The following RELN variants were observed in gnomAD, a reference collection of about 807,000 sequenced individuals.
The protein encoded by RELN is reelin.
A neutral mutation model predicts 427.6 loss-of-function variants in RELN; 108 were observed. The observed-to-expected ratio is 0.25, with a 90% CI of 0.22 to 0.30. RELN has a LOEUF of 0.30. Among genes scored for constraint, RELN ranks in the 10% least tolerant of loss-of-function variants. The pLI, the probability that RELN is intolerant of heterozygous loss-of-function variation, is 1.00. For missense variants in RELN, 3,715 were observed against 4,302.8 expected (o/e 0.86, Z 3.82); for synonymous variants, 1,524 against 1,513.4 (o/e 1.01, Z -0.16).
chr7:103,596,115 G>T (rs1183111453), intron 25 of RELN, among the ~76,000 whole-genome samples: 1 of 152,184 alleles, frequency 6.6e-6, no homozygotes, highest in Non-Finnish European at 1.5e-5. Flanking sequence ...AGCATAATTT[G>T]TGTGTGCATT....
intron 1 of RELN, among the ~76,000 whole-genome samples, chr7:103,961,026 A>C (rs1293517202): frequency 2.0e-5 from 3 of 152,244 alleles, no homozygotes; most frequent in African/African-American, 7.2e-5. Context: ...AATTTCTTTA[A>C]ACATGACTAC....
At chr7:103,902,813 C>G (rs926188722) in intron 2 of RELN, among the ~76,000 whole-genome samples, 2 of 152,088 alleles carry the variant, frequency 1.3e-5, no homozygotes, top group African/African-American at 2.4e-5. Context: ...TATTGGACTC[C>G]TACATCTACT....
chr7:103,502,248 GA>G (rs1202227782), intron 52 of RELN, among the ~76,000 whole-genome samples: 1 of 151,946 alleles, frequency 6.6e-6, no homozygotes, highest in Non-Finnish European at 1.5e-5. Flanking sequence ...ATACATTCCA[GA>G]AAACCCTGAG....
chr7:103,508,061 A>G (rs1829274478), intron 51 of RELN, among the ~76,000 whole-genome samples: 2 of 152,220 alleles, frequency 1.3e-5, no homozygotes, highest in South Asian at 4.1e-4. Context: ...TAAACAAAAA[A>G]AGCCCAGGAC....
intron 17 of RELN, among the ~76,000 whole-genome samples, chr7:103,639,085 G>A (rs920297350): frequency 3.3e-5 from 5 of 152,098 alleles, no homozygotes; most frequent in Non-Finnish European, 5.9e-5. Context: ...CTAAGAAGAT[G>A]GTCTGATTAT....
intron 57 of RELN, among the ~76,000 whole-genome samples, chr7:103,492,853 A>AAGAT: frequency 6.6e-6 from 1 of 152,236 alleles, no homozygotes; most frequent in South Asian, 2.1e-4. Flanking sequence ...AGATAGGAAA[A>AAGAT]AGATATTTAG....
intron 6 of RELN, among the ~76,000 whole-genome samples, 200 bp downstream of exon 6, chr7:103,749,226 C>A (rs1790932182): frequency 6.6e-6 from 1 of 152,080 alleles, no homozygotes; most frequent in African/African-American, 2.4e-5. Flanking sequence ...TTGAGGAGAA[C>A]CTGGATTCAG....
At chr7:103,653,665 T>C (rs533138833) in intron 13 of RELN, among the ~76,000 whole-genome samples, 69 of 152,112 alleles carry the variant, frequency 4.5e-4, no homozygotes, top group African/African-American at 1.6e-3. Context: ...CCAACCTCAA[T>C]CGGTAGCTCT....
At position 103,604,406 on chromosome 7, in the gene RELN, A is replaced by T; in HGVS notation, c.3086T>A (p.Ile1029Asn). Reference sequence around the variant, plus strand: ...GCACATGTTGGGGCACTGCTGCCCAATGTAAATGCTGTCCAAAGCCCACTC... The same window carrying T: ...GCACATGTTGGGGCACTGCTGCCCATTGTAAATGCTGTCCAAAGCCCACTC... ...QDEWALDSIY[I>N]GQQCPNMCSG... is the part of the protein sequence containing the mutation. The change falls in exon 23 of 65, where the codon ATT becomes AAT. Residue 1029 changes from isoleucine to asparagine, a missense_variant. Transcript: ENST00000428762. The T allele has an allele frequency of 6.2e-7, 1 of 1,613,990 alleles. No individual in the cohort carries two copies. The highest frequency in any genetic ancestry group is 1.3e-5 in the African/African-American group (1 of 75,056).
chr7:103,742,244 TC>T (rs1216214087), intron 6 of RELN, among the ~76,000 whole-genome samples: 1 of 151,942 alleles, frequency 6.6e-6, no homozygotes, highest in Non-Finnish European at 1.5e-5. Context: ...AGAAAGGACA[TC>T]CACACCAAAA....
chr7:103,793,731 G>A (rs1242794471), intron 3 of RELN, among the ~76,000 whole-genome samples: 1 of 152,274 alleles, frequency 6.6e-6, no homozygotes, highest in East Asian at 1.9e-4. Flanking sequence ...GAGTGACAGT[G>A]GTTGTCATCG....
intron 63 of RELN, among the ~76,000 whole-genome samples, chr7:103,482,537 C>T (rs1828278946): frequency 1.3e-5 from 2 of 152,198 alleles, no homozygotes; most frequent in African/African-American, 4.8e-5. Flanking sequence ...TCAAGGATGT[C>T]ATTTCATTTT....
At chr7:103,951,643 G>C (rs1000478814) in intron 1 of RELN, among the ~76,000 whole-genome samples, 1 of 150,814 alleles carries the variant, frequency 6.6e-6, no homozygotes, top group African/African-American at 2.4e-5. Context: ...TATGTCTTTT[G>C]TGCTCATGTG....
At position 103,914,838 on chromosome 7, in the gene RELN, C is replaced by T. The variant is rs531431046; in HGVS notation, c.337+2237G>A. Among the ~76,000 whole-genome samples, 134 of 152,228 alleles carry T rather than the reference C, an allele frequency of 8.8e-4. No homozygotes were observed. The South Asian group carries it at 0.025, about 29-fold the overall frequency. On this transcript the variant is annotated intron_variant, in intron 2 of 64. Transcript: ENST00000428762. ...CCGCCTGTACTTTGGACACCTTACA[C>T]GCCTTGCCATATCAGAATTTTTAAC...
intron 9 of RELN, among the ~76,000 whole-genome samples, chr7:103,698,602 C>T (rs934299538): frequency 3.9e-5 from 6 of 152,118 alleles, no homozygotes; most frequent in African/African-American, 9.7e-5. Flanking sequence ...TAACCTTGAA[C>T]TCCTGGCTCA....
chr7:103,738,410 G>A (rs981416985), intron 6 of RELN, among the ~76,000 whole-genome samples: 34 of 151,162 alleles, frequency 2.2e-4, no homozygotes, highest in African/African-American at 8.0e-4. Context: ...TCTTCTTATT[G>A]AAATTTTTAC....
chr7:103,625,927 AT>A (rs1465793213), intron 20 of RELN, among the ~76,000 whole-genome samples: 2 of 152,192 alleles, frequency 1.3e-5, no homozygotes, highest in Admixed American at 6.5e-5. Flanking sequence ...ATAGTTCATT[AT>A]TAGGGGCTGG....
At chr7:103,759,990 CTTTTTTTTTTTTTTT>C (rs57019839) in intron 4 of RELN, among the ~76,000 whole-genome samples, 22,917 of 66,500 alleles carry the variant, frequency 0.34, 2,546 homozygotes, top group East Asian at 0.53. Flanking sequence ...CACAGTCATA[CTTTTTTTTTTTTTTT>C]TTTTTTTTTT....
rs1832517350 is a variant in RELN at position 103,633,626 on chromosome 7, T to A, written c.2465+1799A>T. On this transcript the variant is annotated intron_variant, in intron 19 of 64. Coordinates refer to ENST00000428762, the MANE Select transcript of RELN (RefSeq NM_005045.4). The stretch of plus-strand genomic sequence containing the variant: ...GATTCTTAGAAGAAAAATGTTGCTG[T>A]CAAATGGCAGGCAAGATTAAACGCG... Among the ~76,000 whole-genome samples, 4 of 152,124 alleles carry A rather than the reference T, an allele frequency of 2.6e-5. No individual in the cohort carries two copies. The South Asian group carries it at 8.3e-4, about 32-fold the overall frequency.
Sources: allele counts gnomAD v4.1 joint callset (sites outside exome capture counted in the v4.1 genomes callset), GRCh38; gene constraint gnomAD v4.1.1; transcripts MANE v1.5; gene names NCBI Gene and HGNC (gene_info 2026-07-23, HGNC 2026-07-21).